The following NRXN1 variants were observed in gnomAD, a reference collection of about 807,000 sequenced individuals.
NRXN1 encodes the protein neurexin 1, also known as neurexin-1.
In NRXN1, 39 loss-of-function variants were observed where a neutral mutation model predicts 150.9. The observed-to-expected ratio is 0.26, with a 90% CI of 0.20 to 0.34. NRXN1 has a LOEUF of 0.34. NRXN1 is among the 10% of genes least tolerant of loss of function. The pLI, the probability that NRXN1 is intolerant of heterozygous loss-of-function variation, is 1.00. For synonymous variants in NRXN1, 924 were observed against 757.0 expected (o/e 1.22, Z -3.62); for missense variants, 1,815 against 1,949.9 (o/e 0.93, Z 1.30).
intron 5 of NRXN1, among the ~76,000 whole-genome samples, chr2:50,759,608 G>T (rs1040502856): frequency 2.6e-5 from 4 of 151,864 alleles, no homozygotes; most frequent in Non-Finnish European, 4.4e-5. Context: ...GAGAGCGCAA[G>T]ACATAAGTTA....
intron 21 of NRXN1, among the ~76,000 whole-genome samples, chr2:50,020,900 C>A (rs1163485390): frequency 6.6e-6 from 1 of 152,118 alleles, no homozygotes; most frequent in Non-Finnish European, 1.5e-5. Context: ...CTATAATAAT[C>A]CTTCTCAATT....
intron 18 of NRXN1, among the ~76,000 whole-genome samples, chr2:50,153,875 A>C (rs759170158): frequency 6.6e-6 from 1 of 151,820 alleles, no homozygotes; most frequent in Non-Finnish European, 1.5e-5. Context: ...AGAAATCAAA[A>C]CACAGGTCTC....
intron 2 of NRXN1, among the ~76,000 whole-genome samples, chr2:50,984,387 G>A (rs1275773349): frequency 6.6e-6 from 1 of 151,762 alleles, no homozygotes; most frequent in Non-Finnish European, 1.5e-5. Context: ...AATATATAAC[G>A]AAGAGTGTAT....
chr2:50,013,578 T>G (rs570512931), intron 21 of NRXN1, among the ~76,000 whole-genome samples: 4 of 152,288 alleles, frequency 2.6e-5, no homozygotes, highest in African/African-American at 9.6e-5. Context: ...CTTCATTACA[T>G]GTATTTATGA....
At chr2:50,191,759 G>C (rs1251756105) in intron 18 of NRXN1, among the ~76,000 whole-genome samples, 2 of 152,230 alleles carry the variant, frequency 1.3e-5, no homozygotes, top group Middle Eastern at 3.4e-3. Context: ...TGTATCAATA[G>C]TTTATTCCTT....
chr2:50,461,264 T>C (rs2088177818), intron 17 of NRXN1, among the ~76,000 whole-genome samples: 1 of 151,956 alleles, frequency 6.6e-6, no homozygotes, highest in Non-Finnish European at 1.5e-5. Flanking sequence ...TTTAGGATTC[T>C]GAAAACAGCC....
intron 18 of NRXN1, among the ~76,000 whole-genome samples, chr2:50,235,053 G>A (rs7556989): frequency 0.41 from 62,566 of 151,912 alleles, 13,091 homozygotes; most frequent in Middle Eastern, 0.45. Flanking sequence ...CTTGTGATTT[G>A]AGAGTGATCA....
At chr2:50,901,903 G>A (rs1683011486) in intron 5 of NRXN1, among the ~76,000 whole-genome samples, 1 of 152,180 alleles carries the variant, frequency 6.6e-6, no homozygotes, top group Non-Finnish European at 1.5e-5. Flanking sequence ...CAACACGCAT[G>A]GCGAATGGAA....
chr2:50,642,589 T>G (rs1320618611), intron 5 of NRXN1, among the ~76,000 whole-genome samples: 1 of 152,050 alleles, frequency 6.6e-6, no homozygotes, highest in Non-Finnish European at 1.5e-5. Flanking sequence ...TCCTTATATT[T>G]TTATTAGAAT....
At chr2:50,364,634 A>G (rs1257255981) in intron 17 of NRXN1, among the ~76,000 whole-genome samples, 1 of 152,042 alleles carries the variant, frequency 6.6e-6, no homozygotes, top group African/African-American at 2.4e-5. Flanking sequence ...CACTTTTACT[A>G]TTATTATTTA....
chr2:50,987,709 T>C (rs1467508333), intron 2 of NRXN1, among the ~76,000 whole-genome samples: 2 of 151,936 alleles, frequency 1.3e-5, no homozygotes, highest in African/African-American at 4.8e-5. Flanking sequence ...TTTTGGAACA[T>C]ATACTGTCTG....
intron 5 of NRXN1, among the ~76,000 whole-genome samples, chr2:50,817,467 A>G (rs1669096447): frequency 6.6e-6 from 1 of 152,094 alleles, no homozygotes; most frequent in Admixed American, 6.6e-5. Flanking sequence ...TTTCTAAGAA[A>G]TAGAAGAGAA....
intron 5 of NRXN1, among the ~76,000 whole-genome samples, chr2:50,880,218 A>C (rs1386018666): frequency 1.3e-5 from 2 of 151,940 alleles, no homozygotes; most frequent in African/African-American, 4.8e-5. Flanking sequence ...GCTTTGTAAA[A>C]GTATTTAAAA....
intron 5 of NRXN1, among the ~76,000 whole-genome samples, chr2:50,810,883 G>A (rs989557888): frequency 3.3e-5 from 5 of 152,084 alleles, no homozygotes; most frequent in African/African-American, 7.2e-5. Context: ...GGGAGGCTGA[G>A]GCAGGGGAAT....
chr2:50,294,246 T>C (rs529060214), intron 17 of NRXN1, among the ~76,000 whole-genome samples: 2 of 152,302 alleles, frequency 1.3e-5, no homozygotes, highest in African/African-American at 4.8e-5. Context: ...ACAGCCTAAA[T>C]TGCCAGGTAG....
intron 18 of NRXN1, among the ~76,000 whole-genome samples, chr2:50,127,125 C>G (rs1207975007): frequency 2.0e-5 from 3 of 152,136 alleles, no homozygotes; most frequent in Non-Finnish European, 4.4e-5. Context: ...CCCAGTCACT[C>G]TTGGTGCCTC....
At chr2:50,555,094 T>C (rs1668039223) in intron 8 of NRXN1, among the ~76,000 whole-genome samples, 1 of 152,194 alleles carries the variant, frequency 6.6e-6, no homozygotes, top group South Asian at 2.1e-4. Context: ...CTCTATGACT[T>C]TCATGCTACT....
intron 2 of NRXN1, among the ~76,000 whole-genome samples, chr2:50,933,648 G>A (rs1688103737): frequency 6.6e-6 from 1 of 152,072 alleles, no homozygotes; most frequent in Admixed American, 6.5e-5. Flanking sequence ...ATGAATATTG[G>A]TCATGTGGAA....
At chr2:50,952,218 G>A (rs1170483873) in intron 2 of NRXN1, among the ~76,000 whole-genome samples, 3 of 151,424 alleles carry the variant, frequency 2.0e-5, no homozygotes, top group African/African-American at 4.8e-5. Flanking sequence ...CGCCCGCCTC[G>A]GCCTCCCAAA....
Sources: allele counts gnomAD v4.1 joint callset (sites outside exome capture counted in the v4.1 genomes callset), GRCh38; gene constraint gnomAD v4.1.1; transcripts MANE v1.5; gene names NCBI Gene and HGNC (gene_info 2026-07-23, HGNC 2026-07-21).